ARHGAP42: variants seen among roughly 807,000 people sequenced by gnomAD.
The protein encoded by ARHGAP42 is Rho GTPase activating protein 42, also known as rho GTPase-activating protein 42.
In ARHGAP42, 63 loss-of-function variants were observed where a neutral mutation model predicts 125.0. That is an observed-to-expected ratio of 0.50 (90% CI 0.41 to 0.62). The LOEUF (loss-of-function observed/expected upper bound fraction) is 0.62. Among genes scored for constraint, ARHGAP42 ranks in the 20% least tolerant of loss-of-function variants. ARHGAP42 has a pLI of 0.00. For synonymous variants in ARHGAP42, 339 were observed against 351.0 expected (o/e 0.97, Z 0.38); for missense variants, 766 against 1,024.2 (o/e 0.75, Z 3.44).
intron 1 of ARHGAP42, among the ~76,000 whole-genome samples, chr11:100,706,861 A>G (rs981485143): frequency 2.6e-5 from 4 of 152,148 alleles, no homozygotes; most frequent in African/African-American, 4.8e-5. Flanking sequence ...GAATATTTCT[A>G]TCACCCCCAA....
At chr11:100,697,303 C>T (rs926866732) in intron 1 of ARHGAP42, among the ~76,000 whole-genome samples, 35 of 152,314 alleles carry the variant, frequency 2.3e-4, no homozygotes, top group African/African-American at 7.2e-4. Flanking sequence ...CTGCCTCAGC[C>T]TCCCCAGTAG....
chr11:100,834,792 A>G (rs1005201687), intron 3 of ARHGAP42, among the ~76,000 whole-genome samples: 1 of 151,462 alleles, frequency 6.6e-6, no homozygotes, highest in East Asian at 1.9e-4. Flanking sequence ...GAATGAGGCC[A>G]TAATCCATTA....
At chr11:100,757,847 T>A (rs538353286) in intron 1 of ARHGAP42, among the ~76,000 whole-genome samples, 17 of 152,274 alleles carry the variant, frequency 1.1e-4, no homozygotes, top group South Asian at 6.2e-4. Context: ...ACAGTGTGCT[T>A]TTTTGTTTCT....
intron 2 of ARHGAP42, among the ~76,000 whole-genome samples, chr11:100,786,327 A>G (rs754490645): frequency 6.6e-5 from 10 of 152,346 alleles, no homozygotes; most frequent in Non-Finnish European, 1.2e-4. Flanking sequence ...TTGCATTGAC[A>G]AAAATCTCAG....
intron 2 of ARHGAP42, among the ~76,000 whole-genome samples, chr11:100,778,839 AT>A (rs1863196877): frequency 6.6e-6 from 1 of 152,154 alleles, no homozygotes; most frequent in Non-Finnish European, 1.5e-5. Context: ...AAAGAAATTT[AT>A]TTTTTAACTG....
intron 1 of ARHGAP42, among the ~76,000 whole-genome samples, chr11:100,741,683 C>T (rs1862189835): frequency 6.6e-6 from 1 of 152,204 alleles, no homozygotes; most frequent in Non-Finnish European, 1.5e-5. Flanking sequence ...TACTTAGATA[C>T]TGCCTATAAA....
chr11:100,722,954 T>C (rs1353313079), intron 1 of ARHGAP42, among the ~76,000 whole-genome samples: 2 of 152,218 alleles, frequency 1.3e-5, no homozygotes, highest in Non-Finnish European at 2.9e-5. Context: ...AGATCGGTGA[T>C]CCATTTCGAG....
At chr11:100,898,332 G>A (rs1355586731) in intron 4 of ARHGAP42, among the ~76,000 whole-genome samples, 2 of 152,164 alleles carry the variant, frequency 1.3e-5, no homozygotes, top group Admixed American at 6.5e-5. Flanking sequence ...CCAGGCTTTG[G>A]TATCAGGATG....
Position 100,990,214 on chromosome 11 carries a change from A to G in ARHGAP42, c.*1413A>G, listed in dbSNP as rs1352697606. 1 of 152,204 alleles carries G rather than the reference A, an allele frequency of 6.6e-6. No homozygotes were observed. Among genetic ancestry groups the G allele is most frequent in the Non-Finnish European group, 1.5e-5 (1 of 68,028 alleles). 9.4% of individuals were successfully genotyped at this position (152,204 alleles called of 1,614,324 possible). A position where few individuals can be genotyped will look rare whatever the true frequency, so the allele number is the denominator to read the frequency against. Reference sequence around the variant, plus strand: ...GCTGGTTACCTGCCCTTTGAGTGCCACAGTCCTGAACTGCTTGTTCTTGAC... The same window carrying G: ...GCTGGTTACCTGCCCTTTGAGTGCCGCAGTCCTGAACTGCTTGTTCTTGAC... On this transcript the variant is annotated 3_prime_UTR_variant, in exon 24 of 24. Transcript: ENST00000298815.
chr11:100,735,551 AATATGAAAAAACTGGGG>A (rs1393210643), intron 1 of ARHGAP42, among the ~76,000 whole-genome samples: 2 of 151,896 alleles, frequency 1.3e-5, no homozygotes, highest in Non-Finnish European at 2.9e-5. Context: ...AGGAATAAGA[AATATGAAAAAACTGGGG>A]AAAGGTTGGT....
At chr11:100,966,612 A>G (rs1182766246) in intron 17 of ARHGAP42, among the ~76,000 whole-genome samples, 1 of 152,194 alleles carries the variant, frequency 6.6e-6, no homozygotes, top group Non-Finnish European at 1.5e-5. Flanking sequence ...TGATGATGTC[A>G]TCTGAACAAA....
intron 1 of ARHGAP42, among the ~76,000 whole-genome samples, chr11:100,712,683 G>C (rs2077347133): frequency 6.6e-6 from 1 of 152,198 alleles, no homozygotes; most frequent in Non-Finnish European, 1.5e-5. Flanking sequence ...GTGTTTGTGT[G>C]AGGGTGAGGG....
At chr11:100,962,758 C>T (rs946919323) in intron 16 of ARHGAP42, among the ~76,000 whole-genome samples, 2 of 152,056 alleles carry the variant, frequency 1.3e-5, no homozygotes, top group African/African-American at 2.4e-5. Context: ...TGCCTGTAAT[C>T]CCAGCTGCTC....
intron 3 of ARHGAP42, among the ~76,000 whole-genome samples, chr11:100,835,989 A>C (rs480244): frequency 0.067 from 10,149 of 152,090 alleles, 1,155 homozygotes; most frequent in African/African-American, 0.23. Context: ...GAACAAGGAA[A>C]TCTCTTGAGA....
At chr11:100,932,434 G>A (rs1288576422) in intron 6 of ARHGAP42, among the ~76,000 whole-genome samples, 1 of 151,998 alleles carries the variant, frequency 6.6e-6, no homozygotes, top group African/African-American at 2.4e-5. Context: ...CCAATATAAC[G>A]TTCCATATAA....
At chr11:100,888,629 T>C (rs542013547) in intron 4 of ARHGAP42, among the ~76,000 whole-genome samples, 1 of 152,328 alleles carries the variant, frequency 6.6e-6, no homozygotes, top group South Asian at 2.1e-4. Context: ...AAAAAAGGCT[T>C]AAAATAATAA....
intron 22 of ARHGAP42, among the ~76,000 whole-genome samples, chr11:100,980,559 C>CTTCTTCTTTTTTTTTTTTTTTTTTTTTTT (rs1555037006): frequency 1.9e-5 from 1 of 51,962 alleles, no homozygotes; most frequent in South Asian, 1.1e-3. Flanking sequence ...TTTTCTTCTT[C>CTTCTTCTTTTTTTTTTTTTTTTTTTTTTT]TTTTTTTTTT....
intron 1 of ARHGAP42, among the ~76,000 whole-genome samples, chr11:100,765,116 T>A (rs147109309): frequency 2.6e-5 from 4 of 152,298 alleles, no homozygotes; most frequent in Admixed American, 1.3e-4. Flanking sequence ...ATAGCAGGCT[T>A]GTTTCAGACA....
chr11:100,721,295 C>G lies in ARHGAP42; in HGVS notation c.154+33463C>G, dbSNP rs181256117. ...GCTTTTCTCACCTAACCCAGGGCAA[C>G]CACTGATATTTTGTTTTGTTTTAAA... On this transcript the variant is annotated intron_variant, in intron 1 of 23. Coordinates refer to ENST00000298815, the MANE Select transcript of ARHGAP42 (RefSeq NM_152432.4). 1.0e-3 allele frequency among the ~76,000 whole-genome samples: 155 copies of G among 152,214 alleles called. 1 individual carries two copies. The highest frequency in any genetic ancestry group is 3.4e-3 in the Middle Eastern group (1 of 294).
Sources: allele counts gnomAD v4.1 joint callset (sites outside exome capture counted in the v4.1 genomes callset), GRCh38; gene constraint gnomAD v4.1.1; transcripts MANE v1.5; gene names NCBI Gene and HGNC (gene_info 2026-07-23, HGNC 2026-07-21).